SRPK2: variants seen among roughly 807,000 people sequenced by gnomAD.
SRPK2 encodes the protein SFRS protein kinase 2.
Under a neutral mutation model 90.8 loss-of-function variants are expected in SRPK2, and 21 were observed. The ratio of observed to expected loss-of-function variants is 0.23; its 90% CI spans 0.16 to 0.33. The LOEUF is 0.33. Ranked by LOEUF, SRPK2 falls within the 10% of genes least tolerant of loss-of-function variation. The probability of loss-of-function intolerance (pLI) is 1.00; values close to 1 mark genes in which losing one functional copy is unlikely to be tolerated. For synonymous variants in SRPK2, 288 were observed against 311.1 expected, an observed-to-expected ratio of 0.93 and a Z score of 0.78; for missense variants, 620 against 869.0, an observed-to-expected ratio of 0.71 and a Z score of 3.60.
At chr7:105,198,392 G>C (rs1213828083) in intron 3 of SRPK2, among the ~76,000 whole-genome samples, 4 of 152,064 alleles carry the variant, frequency 2.6e-5, no homozygotes, top group Admixed American at 2.0e-4. Context: ...AAGGCCTCCC[G>C]ACAGTGTTTG....
At chr7:105,252,726 T>C (rs1178071143) in intron 2 of SRPK2, among the ~76,000 whole-genome samples, 1 of 143,220 alleles carries the variant, frequency 7.0e-6, no homozygotes, top group Admixed American at 7.3e-5. Flanking sequence ...CCAATTATCA[T>C]CTTTCTTTTC....
In SRPK2 at chr7:105,307,259, G is replaced by A. The variant is rs73409864; in HGVS notation, c.71+81389C>T. Among the ~76,000 whole-genome samples the A allele has an allele frequency of 3.2e-3, 490 of 152,170 alleles. 3 individuals are homozygous for A. The highest frequency in any genetic ancestry group is 0.011 in the African/African-American group (471 of 41,508). On this transcript the variant is annotated intron_variant, in intron 2 of 15. Transcript: ENST00000393651. ...CAAATGCCATTCCATCTGCTGTGGTGGATACAAAGAGGCTTTTCTTCAAGC... is the reference window on the plus strand; with the variant it reads ...CAAATGCCATTCCATCTGCTGTGGTAGATACAAAGAGGCTTTTCTTCAAGC...
chr7:105,231,476 T>C (rs917121692), intron 2 of SRPK2, among the ~76,000 whole-genome samples: 15 of 152,218 alleles, frequency 9.9e-5, no homozygotes, highest in Non-Finnish European at 2.1e-4. Flanking sequence ...TTTTAGCTCT[T>C]TGAGGGATCA....
chr7:105,326,985 C>T (rs1234094027), intron 2 of SRPK2, among the ~76,000 whole-genome samples: 4 of 151,542 alleles, frequency 2.6e-5, no homozygotes, highest in Admixed American at 2.6e-4. Flanking sequence ...AGCACTTGAA[C>T]CCAGGAGGTG....
At chr7:105,364,045 G>C (rs867027094) in intron 2 of SRPK2, among the ~76,000 whole-genome samples, 14 of 151,112 alleles carry the variant, frequency 9.3e-5, no homozygotes, top group African/African-American at 3.2e-4. Flanking sequence ...GGGGTGGGGG[G>C]CTGGGAGAGG....
At chr7:105,345,078 G>A (rs1295013843) in intron 2 of SRPK2, among the ~76,000 whole-genome samples, 1 of 151,736 alleles carries the variant, frequency 6.6e-6, no homozygotes, top group African/African-American at 2.4e-5. Context: ...GGAGGTTACA[G>A]TGAGCCAAGA....
At chr7:105,346,538 G>C (rs1395988966) in intron 2 of SRPK2, among the ~76,000 whole-genome samples, 1 of 152,058 alleles carries the variant, frequency 6.6e-6, no homozygotes, top group African/African-American at 2.4e-5. Flanking sequence ...GGCGGATCAC[G>C]AGGTCAGGAG....
intron 15 of SRPK2, among the ~76,000 whole-genome samples, chr7:105,119,183 CCCTTT>C (rs1799975873): frequency 6.6e-6 from 1 of 151,608 alleles, no homozygotes; most frequent in Non-Finnish European, 1.5e-5. Context: ...GACTTCTCTC[CCCTTT>C]CAACTGCTTT....
chr7:105,118,243 A>G (rs1799838331), intron 15 of SRPK2, among the ~76,000 whole-genome samples: 1 of 152,248 alleles, frequency 6.6e-6, no homozygotes, highest in African/African-American at 2.4e-5. Context: ...ATAGAGGTTA[A>G]TTAATAGTTC....
chr7:105,369,802 C>T (rs969906591), intron 2 of SRPK2, among the ~76,000 whole-genome samples: 5 of 152,044 alleles, frequency 3.3e-5, no homozygotes, highest in African/African-American at 4.8e-5. Flanking sequence ...ATGAAGCAGG[C>T]GGATCGCCTG....
intron 2 of SRPK2, among the ~76,000 whole-genome samples, chr7:105,314,690 A>G (rs904583892): frequency 2.6e-5 from 4 of 152,224 alleles, no homozygotes; most frequent in Non-Finnish European, 5.9e-5. Context: ...GGCCCAAAAC[A>G]TATTTTGTAA....
At chr7:105,372,884 T>C (rs1444790960) in intron 2 of SRPK2, among the ~76,000 whole-genome samples, 2 of 151,742 alleles carry the variant, frequency 1.3e-5, no homozygotes, top group Non-Finnish European at 1.5e-5. Flanking sequence ...AGGTCAGGAG[T>C]TCGAGACCAG....
chr7:105,244,727 C>T, intron 2 of SRPK2: 1 of 1,160,998 alleles, frequency 8.6e-7, no homozygotes, highest in East Asian at 2.4e-5. Context: ...CGAGCCCAGG[C>T]ACAGCCGCCG....
chr7:105,243,995 A>C lies in SRPK2; in HGVS notation c.72-40210T>G, dbSNP rs566733466. ...AGATGAGTGTGCCTCCAAGGTTCAG[A>C]ACTTGTGGGTATTTCAAACATTGAG... On this transcript the variant is annotated intron_variant, in intron 2 of 15. Coordinates refer to ENST00000393651, the MANE Select transcript of SRPK2 (RefSeq NM_182692.3). Among the ~76,000 whole-genome samples the C allele has an allele frequency of 2.5e-4, 38 of 152,146 alleles. 1 individual carries two copies. In the South Asian group the frequency reaches 7.5e-3, roughly 30 times the overall value.
intron 3 of SRPK2, among the ~76,000 whole-genome samples, chr7:105,200,081 T>A (rs1409356824): frequency 6.6e-6 from 1 of 151,948 alleles, no homozygotes; most frequent in Non-Finnish European, 1.5e-5. Flanking sequence ...GCAGGAGAAT[T>A]ACTTGAGGTC....
intron 7 of SRPK2, among the ~76,000 whole-genome samples, chr7:105,149,319 A>G (rs1054017216): frequency 3.3e-5 from 5 of 152,298 alleles, no homozygotes; most frequent in East Asian, 1.9e-4. Context: ...TTGGGTGGAG[A>G]GAAACATAAA....
In SRPK2 at chr7:105,241,531, A is replaced by G. The variant is rs746308905; in HGVS notation, c.72-37746T>C. 2.6e-5 allele frequency among the ~76,000 whole-genome samples: 4 copies of G among 152,284 alleles called. No individual in the cohort carries two copies. In the South Asian group the frequency reaches 8.3e-4, roughly 32 times the overall value. ...AATCCTCACAACCCTATGTGAGGTGAGCATTATCATCTTTATTATAAGGAT... is the reference window on the plus strand; with the variant it reads ...AATCCTCACAACCCTATGTGAGGTGGGCATTATCATCTTTATTATAAGGAT... On this transcript the variant is annotated intron_variant, in intron 2 of 15. Transcript: ENST00000393651.
At chr7:105,284,304 C>G (rs1430057090) in intron 2 of SRPK2, among the ~76,000 whole-genome samples, 1 of 152,020 alleles carries the variant, frequency 6.6e-6, no homozygotes, top group Admixed American at 6.6e-5. Context: ...CCACTCCAAA[C>G]AGAAAAAAAT....
At position 105,160,582 on chromosome 7, in the gene SRPK2, G is replaced by A; in HGVS notation, c.546C>T (p.His182=). The part of the protein sequence containing the change: ...HVCMVFEVLG[H]HLLKWIIKSN... ...ATTTGATGATCCACTTGAGGAGATG[G>A]TGGCCAAGTACTTCGAAGACCATGC... The change falls in exon 7 of 16, where the codon CAC becomes CAT. Residue 182 remains histidine (H), a synonymous_variant. Transcript: ENST00000393651. The A allele has an allele frequency of 6.2e-7, 1 of 1,613,646 alleles. No individual in the cohort carries two copies. The highest frequency in any genetic ancestry group is 8.5e-7 in the Non-Finnish European group (1 of 1,179,564).
Sources: gnomAD v4.1 joint callset for allele counts (sites outside exome capture counted in the v4.1 genomes callset) on GRCh38, gnomAD v4.1.1 for gene constraint, MANE v1.5 for transcripts, NCBI Gene and HGNC (gene_info 2026-07-23, HGNC 2026-07-21) for gene names.